Variants in GOLM1 observed in about 807,000 individuals in gnomAD.
GOLM1 encodes the protein golgi membrane protein 1, also known as epididymis luminal protein 46.
GOLM1 carries 31 observed loss-of-function variants against 50.5 expected under a neutral mutation model. The ratio of observed to expected loss-of-function variants is 0.61; its 90% CI spans 0.46 to 0.83. The LOEUF (loss-of-function observed/expected upper bound fraction) is 0.83. Ranked by LOEUF, GOLM1 falls within the 40% of genes least tolerant of loss-of-function variation. The pLI, the probability that GOLM1 is intolerant of heterozygous loss-of-function variation, is 0.00. For synonymous variants in GOLM1, 178 were observed against 192.8 expected (o/e 0.92, Z 0.64); for missense variants, 491 against 501.3 (o/e 0.98, Z 0.20).
chr9:86,065,415 C>T (rs547464742), intron 3 of GOLM1, among the ~76,000 whole-genome samples: 11 of 152,274 alleles, frequency 7.2e-5, no homozygotes, highest in African/African-American at 2.4e-4. Context: ...TCAATCACAG[C>T]GATTAAAGGT....
intron 4 of GOLM1, among the ~76,000 whole-genome samples, chr9:86,048,524 C>T (rs1833632398): frequency 6.6e-6 from 1 of 152,190 alleles, no homozygotes; most frequent in Admixed American, 6.5e-5. Context: ...TCCACATCCT[C>T]TCCAGCACCT....
chr9:86,083,686 C>A (rs1456632825), intron 1 of GOLM1, among the ~76,000 whole-genome samples: 2 of 152,214 alleles, frequency 1.3e-5, no homozygotes, highest in African/African-American at 4.8e-5. Flanking sequence ...CCATGCCCAG[C>A]CAGGCTTAAG....
At chr9:86,072,730 A>C (rs549202904) in intron 3 of GOLM1, among the ~76,000 whole-genome samples, 1 of 152,338 alleles carries the variant, frequency 6.6e-6, no homozygotes, top group Non-Finnish European at 1.5e-5. Context: ...GGCTCTGAGA[A>C]ATGCATCATT....
intron 1 of GOLM1, among the ~76,000 whole-genome samples, chr9:86,092,627 C>A (rs533226221): frequency 7.2e-5 from 11 of 152,072 alleles, no homozygotes; most frequent in Non-Finnish European, 4.4e-5. Context: ...CCAATGGGAG[C>A]AGGGCTGCCC....
chr9:86,061,676 C>A (rs544958794), intron 3 of GOLM1, among the ~76,000 whole-genome samples: 1 of 152,268 alleles, frequency 6.6e-6, no homozygotes, highest in African/African-American at 2.4e-5. Flanking sequence ...GGAACCTAAG[C>A]AGGGTGGCCT....
intron 5 of GOLM1, among the ~76,000 whole-genome samples, chr9:86,042,709 G>C (rs1396679852): frequency 6.6e-6 from 1 of 152,162 alleles, no homozygotes; most frequent in Non-Finnish European, 1.5e-5. Context: ...TGCTATCCCT[G>C]AACCTTTAAA....
intron 3 of GOLM1, among the ~76,000 whole-genome samples, chr9:86,077,051 T>C (rs574565820): frequency 6.6e-6 from 1 of 152,252 alleles, no homozygotes; most frequent in Admixed American, 6.5e-5. Flanking sequence ...AAATATTATT[T>C]TTCTCTGAGA....
chr9:86,076,548 G>T (rs759527253), intron 3 of GOLM1, among the ~76,000 whole-genome samples: 13 of 137,956 alleles, frequency 9.4e-5, no homozygotes, highest in Non-Finnish European at 1.5e-4. Context: ...ATTTAATAAA[G>T]AAAGTATAGT....
intron 9 of GOLM1, among the ~76,000 whole-genome samples, chr9:86,032,510 A>G (rs1375344470): frequency 6.6e-6 from 1 of 152,308 alleles, no homozygotes; most frequent in East Asian, 1.9e-4. Context: ...GTCCATAGTG[A>G]TACCAAAACA....
intron 1 of GOLM1, among the ~76,000 whole-genome samples, chr9:86,086,992 G>A (rs192193154): frequency 6.6e-6 from 1 of 152,284 alleles, no homozygotes; most frequent in East Asian, 1.9e-4. Context: ...TGTGAAGAAA[G>A]TCAAGGGTAG....
intron 1 of GOLM1, among the ~76,000 whole-genome samples, chr9:86,085,791 T>C (rs551533366): frequency 1.3e-4 from 20 of 152,322 alleles, no homozygotes; most frequent in Admixed American, 6.5e-4. Flanking sequence ...TTCATCCGTG[T>C]CCCTGGCAAA....
intron 1 of GOLM1, among the ~76,000 whole-genome samples, chr9:86,096,944 T>C (rs964299237): frequency 1.1e-4 from 16 of 152,154 alleles, no homozygotes; most frequent in Non-Finnish European, 2.2e-4. Flanking sequence ...AGTATTTATA[T>C]ATGTACTTTT....
At chr9:86,078,415 G>A (rs535576806) in intron 2 of GOLM1, among the ~76,000 whole-genome samples, 5 of 152,224 alleles carry the variant, frequency 3.3e-5, no homozygotes, top group South Asian at 4.1e-4. Flanking sequence ...GATGGAAATC[G>A]CCCCCAGAGT....
At chr9:86,056,445 T>C (rs2118762846) in intron 3 of GOLM1, among the ~76,000 whole-genome samples, 1 of 151,662 alleles carries the variant, frequency 6.6e-6, no homozygotes, top group African/African-American at 2.4e-5. Context: ...GTTCAACATA[T>C]TATAAAGAAG....
At chr9:86,043,179 C>A (rs7020223) in intron 5 of GOLM1, among the ~76,000 whole-genome samples, 1 of 152,112 alleles carries the variant, frequency 6.6e-6, no homozygotes, top group Admixed American at 6.5e-5. Flanking sequence ...GATGAGATGG[C>A]GAGCGGTTCA....
chr9:86,049,888 A>G (rs1288877623), intron 4 of GOLM1, among the ~76,000 whole-genome samples: 3 of 152,196 alleles, frequency 2.0e-5, no homozygotes, highest in Non-Finnish European at 4.4e-5. Flanking sequence ...CCCTGGCCAG[A>G]ACTTCCAACA....
intron 1 of GOLM1, among the ~76,000 whole-genome samples, chr9:86,090,705 A>G (rs942588978): frequency 4.1e-5 from 6 of 144,986 alleles, no homozygotes; most frequent in Non-Finnish European, 7.4e-5. Context: ...GAGTTAGACC[A>G]CTTGGCTCCC....
At chr9:86,029,149 G>T (rs899684181) in intron 9 of GOLM1, among the ~76,000 whole-genome samples, 1 of 151,982 alleles carries the variant, frequency 6.6e-6, no homozygotes, top group African/African-American at 2.4e-5. Flanking sequence ...GAGCAACCAC[G>T]CCCAGCTGGA....
At chr9:86,046,364 C>G (rs1468427448) in intron 5 of GOLM1, 106 bp downstream of exon 5, 1 of 716,256 alleles carries the variant, frequency 1.4e-6, no homozygotes, top group Admixed American at 2.0e-5. Context: ...GAGTCCCGCA[C>G]GGAGCAGAAG....
Sources: allele counts gnomAD v4.1 joint callset (sites outside exome capture counted in the v4.1 genomes callset), GRCh38; gene constraint gnomAD v4.1.1; transcripts MANE v1.5; gene names NCBI Gene and HGNC (gene_info 2026-07-23, HGNC 2026-07-21).